Variants in RNF180 observed in about 807,000 individuals in gnomAD.
RNF180 encodes ring finger protein 180.
In RNF180, 38 loss-of-function variants were observed where a neutral mutation model predicts 59.2. The observed-to-expected ratio is 0.64, with a 90% CI of 0.50 to 0.84. The LOEUF is 0.84. Among genes scored for constraint, RNF180 ranks in the 40% least tolerant of loss-of-function variants. The pLI is 0.00. For missense variants in RNF180, 705 were observed against 700.9 expected (o/e 1.01, Z -0.07); for synonymous variants, 262 against 240.3 (o/e 1.09, Z -0.84).
intron 7 of RNF180, among the ~76,000 whole-genome samples, chr5:64,351,213 T>C (rs1745796687): frequency 6.6e-6 from 1 of 152,140 alleles, no homozygotes; most frequent in South Asian, 2.1e-4. Context: ...GTTTGTCTGT[T>C]ATTGGTGTAT....
chr5:64,329,733 C>T (rs1276817833), intron 6 of RNF180, among the ~76,000 whole-genome samples: 1 of 152,242 alleles, frequency 6.6e-6, no homozygotes, highest in African/African-American at 2.4e-5. Context: ...GCTGGGATTA[C>T]AGGCGCATTA....
chr5:64,221,428 T>A (rs997315697), intron 5 of RNF180, among the ~76,000 whole-genome samples: 1 of 152,160 alleles, frequency 6.6e-6, no homozygotes, highest in African/African-American at 2.4e-5. Context: ...GATCATTATT[T>A]ATTGCTCACT....
At chr5:64,310,548 A>G (rs1449135703) in intron 5 of RNF180, among the ~76,000 whole-genome samples, 4 of 151,594 alleles carry the variant, frequency 2.6e-5, no homozygotes, top group Non-Finnish European at 5.9e-5. Context: ...TGTTACTGAT[A>G]TAACAGTTTT....
intron 5 of RNF180, among the ~76,000 whole-genome samples, chr5:64,244,542 A>T (rs558044713): frequency 1.6e-3 from 240 of 152,346 alleles, no homozygotes; most frequent in Non-Finnish European, 3.0e-3. Context: ...ATTAGAGAAA[A>T]AAGAATGAAA....
intron 4 of RNF180, among the ~76,000 whole-genome samples, chr5:64,215,280 T>C (rs557002224): frequency 1.4e-4 from 21 of 152,262 alleles, no homozygotes; most frequent in African/African-American, 5.1e-4. Context: ...ATTGACTTTA[T>C]TATCTACTTA....
chr5:64,324,143 C>A (rs1744511120), intron 5 of RNF180, among the ~76,000 whole-genome samples: 1 of 152,122 alleles, frequency 6.6e-6, no homozygotes, highest in Non-Finnish European at 1.5e-5. Context: ...TTCTAAAGAC[C>A]AAAACACTTC....
At chr5:64,329,426 T>C (rs979296808) in intron 6 of RNF180, among the ~76,000 whole-genome samples, 1 of 152,004 alleles carries the variant, frequency 6.6e-6, no homozygotes, top group African/African-American at 2.4e-5. Flanking sequence ...CAGATTATTG[T>C]GCATTAGTTA....
rs188350995 is a variant in RNF180 at position 64,189,585 on chromosome 5, G to A, written c.1-11223G>A. 5.3e-5 allele frequency among the ~76,000 whole-genome samples: 8 copies of A among 152,292 alleles called. No individual in the cohort carries two copies. In the South Asian group the frequency reaches 1.0e-3, roughly 20 times the overall value. ...TATTTAGCAGAGGAGATTTGTAAGC[G>A]AAGTGTTGAAGATGTGGCCCGGTTT... On this transcript the variant is annotated intron_variant, in intron 1 of 7. Transcript: ENST00000389100.
intron 7 of RNF180, among the ~76,000 whole-genome samples, chr5:64,335,500 A>G (rs969390013): frequency 1.3e-5 from 2 of 149,386 alleles, no homozygotes; most frequent in Non-Finnish European, 1.5e-5. Context: ...GTAGAGACCC[A>G]GTTTCTTTGG....
Position 64,213,938 on chromosome 5 carries a change from A to C in RNF180, c.612A>C (p.Glu204Asp), listed in dbSNP as rs1343015544. ...AAAAACTGCTGTCCAAAGCATCAGA[A>C]CCAAAATACCAGCTTTTTGTTCCCC... ...KNEKLLSKASEPKYQLFVPQL... is the reference protein window; with the variant it reads ...KNEKLLSKASDPKYQLFVPQL... The change falls in exon 4 of 8, where the codon GAA becomes GAC. Residue 204 changes from glutamate (E) to aspartate (D), a missense_variant. Glu to Asp is a conservative substitution (Grantham distance 45). Transcript: ENST00000389100. 3.7e-6 allele frequency: 6 copies of C among 1,614,030 alleles called. No individual in the cohort carries two copies. The South Asian group carries it at 6.6e-5, about 18-fold the overall frequency.
intron 7 of RNF180, among the ~76,000 whole-genome samples, chr5:64,335,022 T>G (rs1224312574): frequency 3.3e-5 from 5 of 152,178 alleles, no homozygotes; most frequent in Non-Finnish European, 7.4e-5. Flanking sequence ...CTACCACATT[T>G]GGTATTTTCA....
chr5:64,212,757 G>T (rs1752375981), intron 3 of RNF180, among the ~76,000 whole-genome samples: 1 of 152,148 alleles, frequency 6.6e-6, no homozygotes, highest in Admixed American at 6.5e-5. Context: ...CCTGGTATGT[G>T]TAGTTATTTT....
chr5:64,335,177 T>A (rs111594691), intron 7 of RNF180, among the ~76,000 whole-genome samples: 4,292 of 152,304 alleles, frequency 0.028, 203 homozygotes, highest in Admixed American at 0.12. Flanking sequence ...AAATGCTTTT[T>A]TACGATTTTC....
intron 5 of RNF180, among the ~76,000 whole-genome samples, chr5:64,302,912 T>A (rs1469227673): frequency 6.6e-6 from 1 of 151,656 alleles, no homozygotes; most frequent in Non-Finnish European, 1.5e-5. Flanking sequence ...GCACTTTGCT[T>A]TATTTCACTT....
chr5:64,321,522 A>G (rs938563124), intron 5 of RNF180, among the ~76,000 whole-genome samples: 2 of 152,220 alleles, frequency 1.3e-5, no homozygotes, highest in Admixed American at 6.5e-5. Flanking sequence ...ATAAGAGGAC[A>G]CAAATAAGTA....
intron 5 of RNF180, among the ~76,000 whole-genome samples, chr5:64,227,482 G>C (rs536582551): frequency 5.7e-4 from 86 of 152,198 alleles, no homozygotes; most frequent in Middle Eastern, 3.2e-3. Flanking sequence ...CAGCCTCTTA[G>C]CCTCAGCTGG....
At chr5:64,201,560 T>C (rs1445463466) in intron 2 of RNF180, among the ~76,000 whole-genome samples, 1 of 152,220 alleles carries the variant, frequency 6.6e-6, no homozygotes, top group Non-Finnish European at 1.5e-5. Flanking sequence ...ACAGAGTGAC[T>C]GTAATCACCT....
At chr5:64,302,271 T>G (rs966546435) in intron 5 of RNF180, among the ~76,000 whole-genome samples, 1 of 151,626 alleles carries the variant, frequency 6.6e-6, no homozygotes, top group Non-Finnish European at 1.5e-5. Context: ...CAATAGCAAT[T>G]TTGAAATCCC....
chr5:64,289,808 T>C (rs1742477769), intron 5 of RNF180, among the ~76,000 whole-genome samples: 1 of 152,074 alleles, frequency 6.6e-6, no homozygotes, highest in African/African-American at 2.4e-5. Flanking sequence ...TAGCTAGTGG[T>C]CTATTTTATT....
Sources: allele counts gnomAD v4.1 joint callset (sites outside exome capture counted in the v4.1 genomes callset), GRCh38; gene constraint gnomAD v4.1.1; transcripts MANE v1.5; gene names NCBI Gene and HGNC (gene_info 2026-07-23, HGNC 2026-07-21).